Variants in COLEC12 observed in about 807,000 individuals in gnomAD.
The protein encoded by COLEC12 is collectin subfamily member 12.
In COLEC12, 33 loss-of-function variants were observed where a neutral mutation model predicts 71.1. The ratio of observed to expected loss-of-function variants is 0.46; its 90% CI spans 0.35 to 0.62. The LOEUF is 0.62. Among genes scored for constraint, COLEC12 ranks in the 20% least tolerant of loss-of-function variants. COLEC12 has a pLI of 0.00. For missense variants in COLEC12, 765 were observed against 916.1 expected (o/e 0.84, Z 2.13); for synonymous variants, 350 against 353.0 (o/e 0.99, Z 0.10).
chr18:357,498 G>T lies in COLEC12; in HGVS notation c.83C>A (p.Thr28Asn), dbSNP rs1236371315. Residue 28 changes from threonine to asparagine, a missense_variant, in exon 3 of 10, where the codon ACC becomes AAC. Coordinates refer to ENST00000400256, the MANE Select transcript of COLEC12 (RefSeq NM_130386.3). ...RFGIQEGTQC[T>N]KCKNNWALKF... ...CAGTGCCCAGTTATTTTTACATTTG[G>T]TACATTGTGTTCCTTCCTGAATACC... The T allele has an allele frequency of 6.3e-7, 1 of 1,587,018 alleles. No homozygotes were observed. The highest frequency in any genetic ancestry group is 8.6e-7 in the Non-Finnish European group (1 of 1,164,886).
intron 1 of COLEC12, among the ~76,000 whole-genome samples, chr18:494,651 T>C (rs1044420676): frequency 6.6e-6 from 1 of 152,236 alleles, no homozygotes; most frequent in Non-Finnish European, 1.5e-5. Context: ...TTTTAAAGCA[T>C]ATATTATCTA....
intron 1 of COLEC12, among the ~76,000 whole-genome samples, chr18:486,763 G>A (rs1917526408): frequency 6.6e-6 from 1 of 152,184 alleles, no homozygotes; most frequent in East Asian, 1.9e-4. Flanking sequence ...AAAATAGGAG[G>A]ACTGTTGGAA....
chr18:447,196 C>A (rs1442826686), intron 2 of COLEC12, among the ~76,000 whole-genome samples: 1 of 152,178 alleles, frequency 6.6e-6, no homozygotes, highest in East Asian at 1.9e-4. Flanking sequence ...CTTTGTTAAC[C>A]AACAAAAATA....
intron 2 of COLEC12, among the ~76,000 whole-genome samples, chr18:456,617 G>C (rs948762915): frequency 1.3e-5 from 2 of 152,198 alleles, no homozygotes; most frequent in Non-Finnish European, 2.9e-5. Flanking sequence ...TGGGTTAAAT[G>C]CTCTTGCAGC....
At chr18:406,247 C>T (rs908587888) in intron 2 of COLEC12, among the ~76,000 whole-genome samples, 4 of 152,160 alleles carry the variant, frequency 2.6e-5, no homozygotes, top group African/African-American at 4.8e-5. Flanking sequence ...CAGTGGCTCA[C>T]GCCTGTAATC....
intron 2 of COLEC12, among the ~76,000 whole-genome samples, chr18:457,642 G>A (rs1056280574): frequency 3.9e-5 from 6 of 152,156 alleles, no homozygotes; most frequent in Non-Finnish European, 8.8e-5. Context: ...ACAAAGCCTG[G>A]TGTTTATTTA....
chr18:496,293 G>A (rs1179673687), intron 1 of COLEC12, among the ~76,000 whole-genome samples: 2 of 152,116 alleles, frequency 1.3e-5, no homozygotes. Flanking sequence ...GGAGCCATTG[G>A]AACAACCGTG....
chr18:463,668 C>G (rs913551900), intron 2 of COLEC12, among the ~76,000 whole-genome samples: 1 of 152,138 alleles, frequency 6.6e-6, no homozygotes, highest in African/African-American at 2.4e-5. Context: ...CCAGCGACAT[C>G]TCGGAGTCAC....
intron 2 of COLEC12, among the ~76,000 whole-genome samples, chr18:395,661 A>G (rs7240217): frequency 0.95 from 145,218 of 152,258 alleles, 69,638 homozygotes; most frequent in East Asian, 1. Context: ...ACAAATTGGA[A>G]CCAGAGCACG....
At chr18:487,210 A>G (rs1203518648) in intron 1 of COLEC12, among the ~76,000 whole-genome samples, 1 of 152,232 alleles carries the variant, frequency 6.6e-6, no homozygotes, top group Non-Finnish European at 1.5e-5. Flanking sequence ...AAAAGAGGCC[A>G]GTCACAAAAA....
At chr18:352,302 C>T (rs925114378) in intron 3 of COLEC12, among the ~76,000 whole-genome samples, 6 of 152,192 alleles carry the variant, frequency 3.9e-5, no homozygotes, top group Admixed American at 2.0e-4. Context: ...ACATATGCCT[C>T]GGTCTGTCCT....
intron 2 of COLEC12, among the ~76,000 whole-genome samples, chr18:372,850 T>A (rs1429518958): frequency 1.3e-5 from 2 of 152,196 alleles, no homozygotes; most frequent in Non-Finnish European, 2.9e-5. Context: ...TCATGATGAC[T>A]CAGGAAGAGG....
chr18:334,739 T>C lies in COLEC12; in HGVS notation c.1816+3A>G, dbSNP rs775679602. On this transcript the variant is annotated splice_donor_region_variant and intron_variant, in intron 6 of 9. Transcript: ENST00000400256. ...CCTGGCTGGAGGGAGGGCTTGGACT[T>C]ACCATTGTCCTCCGGTGCTGGGGTT... The C allele has an allele frequency of 6.1e-6, 9 of 1,466,008 alleles. No individual in the cohort carries two copies. In the Admixed American group the frequency reaches 1.1e-4, roughly 18 times the overall value. The allele number at this position is 1,466,008 out of a possible 1,614,324, so 90.8% of individuals were successfully genotyped here. A position where few individuals can be genotyped will look rare whatever the true frequency, so the allele number is the denominator to read the frequency against.
At chr18:457,412 G>C (rs1297549401) in intron 2 of COLEC12, among the ~76,000 whole-genome samples, 2 of 152,200 alleles carry the variant, frequency 1.3e-5, no homozygotes, top group Admixed American at 1.3e-4. Context: ...TGATTTCTAG[G>C]CTGCAGATGT....
chr18:469,925 A>G (rs1390071455), intron 2 of COLEC12, among the ~76,000 whole-genome samples: 2 of 152,184 alleles, frequency 1.3e-5, no homozygotes, highest in South Asian at 2.1e-4. Context: ...AGATGAATTA[A>G]TAAGTATTGA....
intron 2 of COLEC12, among the ~76,000 whole-genome samples, chr18:389,862 C>A (rs1212295131): frequency 3.9e-5 from 6 of 152,170 alleles, no homozygotes; most frequent in Non-Finnish European, 8.8e-5. Flanking sequence ...GCCCAACCAA[C>A]AAACATTAGC....
intron 5 of COLEC12, among the ~76,000 whole-genome samples, chr18:342,797 G>T (rs1388358144): frequency 6.6e-6 from 1 of 152,222 alleles, no homozygotes; most frequent in Non-Finnish European, 1.5e-5. Flanking sequence ...CACAGAAAGT[G>T]CAGTGAACAA....
chr18:494,279 G>C (rs1917670377), intron 1 of COLEC12, among the ~76,000 whole-genome samples: 2 of 152,132 alleles, frequency 1.3e-5, no homozygotes, highest in Admixed American at 1.3e-4. Flanking sequence ...TTGCCTTCAT[G>C]GTCTAAACTA....
At chr18:368,670 C>G (rs1914914820) in intron 2 of COLEC12, among the ~76,000 whole-genome samples, 1 of 151,930 alleles carries the variant, frequency 6.6e-6, no homozygotes, top group Admixed American at 6.6e-5. Flanking sequence ...CGAGACCAGC[C>G]TGGCTAACAT....
Sources: allele counts gnomAD v4.1 joint callset (sites outside exome capture counted in the v4.1 genomes callset), GRCh38; gene constraint gnomAD v4.1.1; transcripts MANE v1.5; gene names NCBI Gene and HGNC (gene_info 2026-07-23, HGNC 2026-07-21).